Variants in LRRC4C observed in about 807,000 individuals in gnomAD.
The protein encoded by LRRC4C is leucine rich repeat containing 4C.
A neutral mutation model predicts 33.6 loss-of-function variants in LRRC4C; 5 were observed. That is an observed-to-expected ratio of 0.15 (90% CI 0.08 to 0.31). The LOEUF (loss-of-function observed/expected upper bound fraction) is 0.31, where lower values mean the gene tolerates loss of function less well. Ranked by LOEUF, LRRC4C falls within the 10% of genes least tolerant of loss-of-function variation. The pLI is 1.00. For missense variants in LRRC4C, 560 were observed against 796.7 expected (o/e 0.70, Z 3.58); for synonymous variants, 329 against 302.0 (o/e 1.09, Z -0.93).
At chr11:41,280,697 C>A (rs1310846576) in intron 1 of LRRC4C, among the ~76,000 whole-genome samples, 1 of 152,140 alleles carries the variant, frequency 6.6e-6, no homozygotes, top group African/African-American at 2.4e-5. Flanking sequence ...TCTCCATGTC[C>A]TTCTAGTATA....
intron 1 of LRRC4C, among the ~76,000 whole-genome samples, chr11:41,179,979 C>T (rs1274104492): frequency 1.3e-5 from 2 of 152,054 alleles, no homozygotes; most frequent in African/African-American, 4.8e-5. Context: ...ATGTAAGGGC[C>T]GCTGTGGGAC....
intron 1 of LRRC4C, among the ~76,000 whole-genome samples, chr11:41,246,254 G>A (rs1231677959): frequency 6.6e-6 from 1 of 152,166 alleles, no homozygotes; most frequent in Non-Finnish European, 1.5e-5. Flanking sequence ...CCAAAGTCCA[G>A]AGTGGGCTGA....
intron 4 of LRRC4C, among the ~76,000 whole-genome samples, chr11:40,247,877 T>C (rs187920704): frequency 6.6e-6 from 1 of 152,320 alleles, no homozygotes; most frequent in African/African-American, 2.4e-5. Flanking sequence ...GTAAGACAAC[T>C]GAAACTAGGG....
At chr11:41,317,321 A>G (rs530200892) in intron 1 of LRRC4C, among the ~76,000 whole-genome samples, 97 of 152,016 alleles carry the variant, frequency 6.4e-4, no homozygotes, top group Non-Finnish European at 1.1e-3. Context: ...TTAAAATGAG[A>G]TTATGCATTT....
chr11:40,532,631 T>G (rs1218653365), intron 3 of LRRC4C, among the ~76,000 whole-genome samples: 1 of 149,654 alleles, frequency 6.7e-6, no homozygotes, highest in Non-Finnish European at 1.5e-5. Context: ...ACAGTAGTAG[T>G]CTTTATTGTA....
chr11:41,235,293 A>G (rs1039494055), intron 1 of LRRC4C, among the ~76,000 whole-genome samples: 1 of 152,074 alleles, frequency 6.6e-6, no homozygotes, highest in Non-Finnish European at 1.5e-5. Context: ...TTGAGATTCC[A>G]TTGACTTACC....
chr11:40,693,502 G>A (rs542702223), intron 2 of LRRC4C, among the ~76,000 whole-genome samples: 10 of 152,024 alleles, frequency 6.6e-5, no homozygotes, highest in African/African-American at 2.4e-4. Context: ...GCTCTGCAGG[G>A]GGTAGGTAAT....
At chr11:41,443,610 T>G (rs2138563971) in intron 1 of LRRC4C, among the ~76,000 whole-genome samples, 1 of 152,010 alleles carries the variant, frequency 6.6e-6, no homozygotes, top group South Asian at 2.1e-4. Flanking sequence ...CTCTTTCTTT[T>G]CTTCTTCTTC....
chr11:41,309,203 C>T (rs927626359), intron 1 of LRRC4C, among the ~76,000 whole-genome samples: 20 of 152,120 alleles, frequency 1.3e-4, no homozygotes, highest in African/African-American at 4.6e-4. Flanking sequence ...ATAAACGCAG[C>T]CCGCAGTGAC....
intron 1 of LRRC4C, among the ~76,000 whole-genome samples, chr11:41,311,200 T>C (rs1210646771): frequency 1.3e-5 from 2 of 152,170 alleles, no homozygotes; most frequent in Non-Finnish European, 2.9e-5. Flanking sequence ...CATTTTTTTT[T>C]ATATATTCAT....
chr11:40,882,587 T>C (rs1242570050), intron 2 of LRRC4C, among the ~76,000 whole-genome samples: 1 of 152,000 alleles, frequency 6.6e-6, no homozygotes, highest in African/African-American at 2.4e-5. Flanking sequence ...ATTTTTTTCT[T>C]TCTCTGCCTA....
chr11:41,015,588 A>G (rs1855523345), intron 1 of LRRC4C, among the ~76,000 whole-genome samples: 1 of 152,180 alleles, frequency 6.6e-6, no homozygotes, highest in South Asian at 2.1e-4. Flanking sequence ...TGCTAGGATT[A>G]CAGGCGTGAG....
chr11:40,976,954 T>C (rs1852129392), intron 1 of LRRC4C, among the ~76,000 whole-genome samples: 1 of 152,106 alleles, frequency 6.6e-6, no homozygotes, highest in South Asian at 2.1e-4. Flanking sequence ...ATGAAATAAT[T>C]ATACAACTCA....
chr11:40,686,401 A>G (rs59260820), intron 2 of LRRC4C, among the ~76,000 whole-genome samples: 16,858 of 152,094 alleles, frequency 0.11, 3,211 homozygotes, highest in African/African-American at 0.39. Flanking sequence ...GTTGTGGTGC[A>G]CAACCAAGAG....
At chr11:41,058,277 C>T (rs759571009) in intron 1 of LRRC4C, among the ~76,000 whole-genome samples, 50 of 152,250 alleles carry the variant, frequency 3.3e-4, no homozygotes, top group Non-Finnish European at 1.0e-4. Context: ...CAGTGCCAGC[C>T]GTGGAAGCTG....
chr11:40,939,000 T>C (rs1958024852), intron 1 of LRRC4C, among the ~76,000 whole-genome samples: 1 of 152,052 alleles, frequency 6.6e-6, no homozygotes, highest in African/African-American at 2.4e-5. Context: ...TATTATATAA[T>C]TATAAAATGT....
chr11:40,316,122 A>C (rs559674369), intron 4 of LRRC4C, among the ~76,000 whole-genome samples: 1 of 152,182 alleles, frequency 6.6e-6, no homozygotes, highest in African/African-American at 2.4e-5. Context: ...AATCAAAAAA[A>C]ATCCCACAGA....
chr11:40,995,543 A>G (rs1039348582), intron 1 of LRRC4C, among the ~76,000 whole-genome samples: 1 of 152,174 alleles, frequency 6.6e-6, no homozygotes, highest in South Asian at 2.1e-4. Flanking sequence ...ATCCATCAAA[A>G]GAGCTGGCAG....
chr11:40,377,701 T>C (rs958206200), intron 3 of LRRC4C, among the ~76,000 whole-genome samples: 7 of 152,072 alleles, frequency 4.6e-5, no homozygotes, highest in African/African-American at 1.4e-4. Flanking sequence ...TGGAGGAGAA[T>C]GGAGAAATTA....
Sources: allele counts gnomAD v4.1 joint callset (sites outside exome capture counted in the v4.1 genomes callset), GRCh38; gene constraint gnomAD v4.1.1; transcripts MANE v1.5; gene names NCBI Gene and HGNC (gene_info 2026-07-23, HGNC 2026-07-21).